TMC4: variants seen among roughly 807,000 people sequenced by gnomAD.
TMC4 encodes the protein transmembrane channel like 4.
Under a neutral mutation model 82.0 loss-of-function variants are expected in TMC4, and 70 were observed. The ratio of observed to expected loss-of-function variants is 0.85; its 90% confidence interval spans 0.70 to 1.04. The LOEUF (loss-of-function observed/expected upper bound fraction) is 1.04, where lower values mean the gene tolerates loss of function less well. TMC4 is among the 50% of genes least tolerant of loss of function. The pLI is 0.00. For missense variants in TMC4, 879 were observed against 899.0 expected (o/e 0.98, Z 0.28); for synonymous variants, 446 against 406.0 (o/e 1.10, Z -1.18).
chr19:54,163,978 T>TTTC, intron 7 of TMC4, 91 bp from the exon 8 acceptor site: 1 of 388,430 alleles, frequency 2.6e-6, no homozygotes, highest in East Asian at 5.9e-5. Flanking sequence ...CTTCTTCTTC[T>TTTC]TTTTTTTTTT....
chr19:54,168,093 A>C, intron 5 of TMC4, 78 bp downstream of exon 5: 1 of 1,432,366 alleles, frequency 7.0e-7, no homozygotes, highest in Non-Finnish European at 9.4e-7. Flanking sequence ...ATTCTTGGGG[A>C]GGGGGTTTCT....
In TMC4 at chr19:54,169,008, A is replaced by T. The variant is rs1269570785; in HGVS notation, c.443-328T>A. Among the ~76,000 whole-genome samples the T allele has an allele frequency of 8.3e-4, 3 of 3,614 alleles. 1 individual carries two copies. The highest frequency in any genetic ancestry group is 2.2e-3 in the African/African-American group (3 of 1,350). The allele number at this position is 3,614 out of a possible 152,430, so 2.4% of individuals were successfully genotyped here. On this transcript the variant is annotated intron_variant, in intron 3 of 14. Coordinates refer to ENST00000619895, the MANE Select transcript of TMC4 (RefSeq NM_144686.4). ...TCTCTCTCTCTCTATATATATATAT[A>T]TATTTTTTTTTTTTTCTTTTCTTTT...
Position 54,171,131 on chromosome 19 carries a change from T to C in TMC4, c.293+739A>G, listed in dbSNP as rs961850782. Among the ~76,000 whole-genome samples the C allele has an allele frequency of 3.4e-4, 10 of 29,342 alleles. No homozygotes were observed. The East Asian group carries it at 0.015, about 45-fold the overall frequency. 19.2% of individuals were successfully genotyped at this position (29,342 alleles called of 152,430 possible). A position where few individuals can be genotyped will look rare whatever the true frequency, so the allele number is the denominator to read the frequency against. On this transcript the variant is annotated intron_variant, in intron 2 of 14. Coordinates refer to ENST00000619895, the MANE Select transcript of TMC4 (RefSeq NM_144686.4). Reference sequence around the variant, plus strand: ...TATATATACGCATATATATTTGAGATGGAGTCCCGCTCTATCACCCAGGCC... The same window carrying C: ...TATATATACGCATATATATTTGAGACGGAGTCCCGCTCTATCACCCAGGCC...
chr19:54,162,753 C>T lies in TMC4; in HGVS notation c.1422G>A (p.Leu474=). The T allele has an allele frequency of 1.2e-6, 2 of 1,614,042 alleles. No individual in the cohort carries two copies. Among genetic ancestry groups the T allele is most frequent in the Non-Finnish European group, 8.5e-7 (1 of 1,179,984 alleles). The part of the protein sequence containing the change: ...YKQLPCWETV[L]GQEMYKLLLF... ...GCAGAAGTTTGTACATTTCCTGGCC[C>T]AGGACAGTCTCCCAGCACTGAAGAA... is the stretch of plus-strand genomic sequence containing the variant. Residue 474 remains leucine, a synonymous_variant, in exon 10 of 15, where the codon CTG becomes CTA. Transcript: ENST00000619895.
At position 54,172,089 on chromosome 19, in the gene TMC4, G is replaced by A; in HGVS notation, c.80-6C>T. The A allele has an allele frequency of 2.6e-6, 4 of 1,564,014 alleles. No homozygotes were observed. Among genetic ancestry groups the A allele is most frequent in the African/African-American group, 1.4e-5 (1 of 73,352 alleles). Reference sequence around the variant, plus strand: ...CACAGAAGACAGCGATGGGCCTGGGGAGGAGCAGGGGGCTGGGAAGACCCG... The same window carrying A: ...CACAGAAGACAGCGATGGGCCTGGGAAGGAGCAGGGGGCTGGGAAGACCCG... On this transcript the variant is annotated splice_polypyrimidine_tract_variant and splice_region_variant and intron_variant, in intron 1 of 14. Coordinates refer to ENST00000619895, the MANE Select transcript of TMC4 (RefSeq NM_144686.4).
At position 54,161,129 on chromosome 19, in the gene TMC4, C is replaced by T. The variant is rs2075537978; in HGVS notation, c.1817+1G>A. 1 of 1,582,978 alleles carries T rather than the reference C, an allele frequency of 6.3e-7. No individual in the cohort carries two copies. The highest frequency in any genetic ancestry group is 1.9e-5 in the Admixed American group (1 of 52,638). On this transcript the variant is annotated splice_donor_variant, in intron 12 of 14. Coordinates refer to ENST00000619895, the MANE Select transcript of TMC4 (RefSeq NM_144686.4). LOFTEE classifies it high-confidence loss of function. The stretch of plus-strand genomic sequence containing the variant: ...GAGAGGCGGGAGCCTCTCGCACTTA[C>T]AGGAAGATGCTGTAAAGCAGGGGAA...
At chr19:54,172,566 G>A (rs1305153688) in intron 1 of TMC4, 3 of 312,500 alleles carry the variant, frequency 9.6e-6, no homozygotes, top group African/African-American at 2.2e-5. Context: ...AGGAATCCAG[G>A]CACCCAGCCC....
intron 2 of TMC4, among the ~76,000 whole-genome samples, chr19:54,171,067 A>T (rs2075871304): frequency 3.1e-5 from 2 of 64,058 alleles, no homozygotes; most frequent in African/African-American, 1.3e-4. Flanking sequence ...ATACACATAT[A>T]TATACATATA....
At chr19:54,167,917 G>T (rs1239706103) in intron 5 of TMC4, among the ~76,000 whole-genome samples, 1 of 151,992 alleles carries the variant, frequency 6.6e-6, no homozygotes, top group Non-Finnish European at 1.5e-5. Flanking sequence ...AAAAAAGTTA[G>T]CTGGGCGTGG....
At position 54,171,966 on chromosome 19, in the gene TMC4, C is replaced by A. The variant is rs940236917; in HGVS notation, c.197G>T (p.Ser66Ile). ...GGTGACTTCTGTGAAGGCCTTTCTGCTCCTTCCTCCATCCTCCTCCTCCTC... is the reference window on the plus strand; with the variant it reads ...GGTGACTTCTGTGAAGGCCTTTCTGATCCTTCCTCCATCCTCCTCCTCCTC... ...LEEEEEDGGR[S>I]RKAFTEVTQT... is the part of the protein sequence containing the mutation. Residue 66 changes from serine to isoleucine, a missense_variant, in exon 2 of 15, where the codon AGC becomes ATC. Coordinates refer to ENST00000619895, the MANE Select transcript of TMC4 (RefSeq NM_144686.4). 21 of 1,613,748 alleles carry A rather than the reference C, an allele frequency of 1.3e-5. No homozygotes were observed. The highest frequency in any genetic ancestry group is 1.6e-5 in the Non-Finnish European group (19 of 1,179,814).
intron 6 of TMC4, chr19:54,164,836 A>G: frequency 1.7e-6 from 1 of 594,318 alleles, no homozygotes; most frequent in South Asian, 2.1e-5. Flanking sequence ...CTCCGCGGTC[A>G]ATCTCAGCAC....
intron 10 of TMC4, 39 bp from the exon 11 acceptor site, chr19:54,162,324 T>A (rs12978996): frequency 2.4e-6 from 3 of 1,242,766 alleles, no homozygotes; most frequent in Non-Finnish European, 3.0e-6. Flanking sequence ...GTCAGGGGAG[T>A]GGCGGCCTGG....
chr19:54,166,910 A>C (rs1032727774), intron 5 of TMC4, among the ~76,000 whole-genome samples: 1 of 151,516 alleles, frequency 6.6e-6, no homozygotes, highest in African/African-American at 2.4e-5. Context: ...CTGAGATCGC[A>C]CTACTGCACT....
chr19:54,166,679 C>T (rs535429151), intron 5 of TMC4, among the ~76,000 whole-genome samples: 8 of 152,276 alleles, frequency 5.3e-5, no homozygotes, highest in East Asian at 1.9e-4. Flanking sequence ...CTTTGCCGGG[C>T]GTGGTGGCTC....
rs751573380 is a variant in TMC4, at chr19:54,162,111, G to GT, written c.1676dup (p.Tyr559Ter). The GT allele has an allele frequency of 4.3e-6, 7 of 1,612,034 alleles. No homozygotes were observed. Among genetic ancestry groups the GT allele is most frequent in the Non-Finnish European group, 5.9e-6 (7 of 1,179,112 alleles). The change falls in exon 11 of 15, where the codon TAC becomes TAAC. Residue 559 changes from tyrosine (Y) to a stop codon, truncating the protein, a stop_gained and frameshift_variant. Transcript: ENST00000619895. LOFTEE classifies it high-confidence loss of function. The stretch of plus-strand genomic sequence containing the variant: ...CCCCCCTACCCCTTACCTTCTTCAG[G>GT]TAGAAAAGCAGCAGGAACTTGACCG... ...LNTVKFLLLF[Y>*]LKKLTLFSTC...
At chr19:54,166,797 T>C (rs1377130661) in intron 5 of TMC4, among the ~76,000 whole-genome samples, 1 of 151,656 alleles carries the variant, frequency 6.6e-6, no homozygotes, top group African/African-American at 2.4e-5. Context: ...CTACTAAAAA[T>C]ACAAAATTAG....
Position 54,169,665 on chromosome 19 carries a change from G to A in TMC4, c.294-5C>T. ...TCCCTGCTGGCATTTCTTTGCCTGG[G>A]AGGGAAACAGGCAGAAAATGAGGGG... On this transcript the variant is annotated splice_region_variant and splice_polypyrimidine_tract_variant and intron_variant, in intron 2 of 14. Coordinates refer to ENST00000619895, the MANE Select transcript of TMC4 (RefSeq NM_144686.4). 4 of 1,613,040 alleles carry A rather than the reference G, an allele frequency of 2.5e-6. No individual in the cohort carries two copies. Among genetic ancestry groups the A allele is most frequent in the Non-Finnish European group, 3.4e-6 (4 of 1,179,764 alleles).
At position 54,160,870 on chromosome 19, in the gene TMC4, C is replaced by T. The variant is rs115318442; in HGVS notation, c.1973+8G>A. On this transcript the variant is annotated splice_region_variant and intron_variant, in intron 13 of 14. Transcript: ENST00000619895. ...CAAACCCAGACCCAGAAGTCTGGGC[C>T]GTCTCACCTGGAGATCAGCAGAAGG... 6.0e-4 allele frequency: 974 copies of T among 1,613,628 alleles called. 4 individuals are homozygous for T. The African/African-American group carries it at 0.012, about 19-fold the overall frequency.
At chr19:54,164,650 G>T in intron 6 of TMC4, 49 bp from the exon 7 acceptor site, 1 of 1,604,132 alleles carries the variant, frequency 6.2e-7, no homozygotes, top group South Asian at 1.1e-5. Flanking sequence ...CAAGGCGCGG[G>T]CCTCCCGGTT....
Sources: gnomAD v4.1 joint callset for allele counts (sites outside exome capture counted in the v4.1 genomes callset) on GRCh38, gnomAD v4.1.1 for gene constraint, MANE v1.5 for transcripts, NCBI Gene and HGNC (gene_info 2026-07-23, HGNC 2026-07-21) for gene names.